The following TMEM200A variants were observed in gnomAD, a reference collection of about 807,000 sequenced individuals.
The protein encoded by TMEM200A is two transmembrane C.
Under a neutral mutation model 24.3 loss-of-function variants are expected in TMEM200A, and 12 were observed. That is an observed-to-expected ratio of 0.49 (90% CI 0.32 to 0.80). TMEM200A has a LOEUF of 0.80. Ranked by LOEUF, TMEM200A falls within the 30% of genes least tolerant of loss-of-function variation. The probability of loss-of-function intolerance (pLI) is 0.04; values close to 1 mark genes in which losing one functional copy is unlikely to be tolerated. For synonymous variants in TMEM200A, 224 were observed against 224.4 expected (o/e 1.00, Z 0.02); for missense variants, 545 against 614.4 (o/e 0.89, Z 1.19).
At chr6:130,380,853 G>A (rs1048887139) in intron 1 of TMEM200A, among the ~76,000 whole-genome samples, 8 of 151,974 alleles carry the variant, frequency 5.3e-5, no homozygotes, top group African/African-American at 1.9e-4. Flanking sequence ...TGAGTATGAT[G>A]GCTCATGCCT....
At chr6:130,418,636 T>G (rs149933130) in intron 2 of TMEM200A, among the ~76,000 whole-genome samples, 182 of 152,266 alleles carry the variant, frequency 1.2e-3, no homozygotes, top group Non-Finnish European at 2.1e-3. Context: ...TGGCTTAGAG[T>G]ACATTTAGTC....
chr6:130,405,269 T>C (rs1431158765), intron 2 of TMEM200A, among the ~76,000 whole-genome samples: 3 of 152,224 alleles, frequency 2.0e-5, no homozygotes, highest in Admixed American at 1.3e-4. Context: ...TTAATGATAT[T>C]GATTCTTTCT....
intron 1 of TMEM200A, among the ~76,000 whole-genome samples, chr6:130,379,924 G>C (rs1200376801): frequency 6.6e-6 from 1 of 152,140 alleles, no homozygotes; most frequent in African/African-American, 2.4e-5. Flanking sequence ...AGAGCATACC[G>C]AGAAGTAGCA....
chr6:130,418,919 A>G (rs546130126), intron 2 of TMEM200A, among the ~76,000 whole-genome samples: 1 of 152,304 alleles, frequency 6.6e-6, no homozygotes, highest in East Asian at 1.9e-4. Context: ...TATTGGGAAC[A>G]TATCGAGTCC....
At position 130,366,093 on chromosome 6, in the gene TMEM200A, G is replaced by T. The variant is rs866800130; in HGVS notation, c.-512G>T. On this transcript the variant is annotated 5_prime_UTR_variant, in exon 1 of 3. Coordinates refer to ENST00000296978, the MANE Select transcript of TMEM200A (RefSeq NM_001258277.2). This position sits in a 1 kb window ranked among gnomAD's most constrained non-coding sequence, Gnocchi z 4.4. ...CTTTCTTGGACGCGGTGGCGGCGCCGCCTGAGCGGCGACTCCCTCTCCCCT... is the reference window on the plus strand; with the variant it reads ...CTTTCTTGGACGCGGTGGCGGCGCCTCCTGAGCGGCGACTCCCTCTCCCCT... 10 of 985,616 alleles carry T rather than the reference G, an allele frequency of 1.0e-5. No individual in the cohort carries two copies. The Middle Eastern group carries it at 3.1e-3, about 309-fold the overall frequency. The allele number at this position is 985,616 out of a possible 1,614,324, so 61.1% of individuals were successfully genotyped here. A position where few individuals can be genotyped will look rare whatever the true frequency, so the allele number is the denominator to read the frequency against.
At chr6:130,426,702 C>T (rs1779753108) in intron 2 of TMEM200A, among the ~76,000 whole-genome samples, 1 of 152,116 alleles carries the variant, frequency 6.6e-6, no homozygotes, top group South Asian at 2.1e-4. Flanking sequence ...GAAAGAAAGC[C>T]ATGTCCCTTT....
At chr6:130,399,375 C>T (rs9321225) in intron 2 of TMEM200A, among the ~76,000 whole-genome samples, 50,748 of 151,766 alleles carry the variant, frequency 0.33, 11,962 homozygotes, top group African/African-American at 0.67. Context: ...ATCCTTTCTA[C>T]TGATTCCTTC....
In TMEM200A at chr6:130,366,337, C is replaced by G. The variant is rs985925770; in HGVS notation, c.-268C>G. On this transcript the variant is annotated 5_prime_UTR_variant, in exon 1 of 3. Coordinates refer to ENST00000296978, the MANE Select transcript of TMEM200A (RefSeq NM_001258277.2). The surrounding 1 kb of genome is among the most constrained non-coding windows in gnomAD (Gnocchi z 4.4). ...GACTCATCCGCCCGCGGTGGCCGCC[C>G]GAGCCCTGGGATGGGGAGGGAGACC... The G allele has an allele frequency of 2.0e-6, 2 of 985,196 alleles. No homozygotes were observed. Among genetic ancestry groups the G allele is most frequent in the South Asian group, 4.7e-5 (1 of 21,288 alleles). 61.0% of individuals were successfully genotyped at this position (985,196 alleles called of 1,614,324 possible).
Position 130,441,988 on chromosome 6 carries a change from T to C in TMEM200A, c.*90T>C. 7.9e-7 allele frequency: 1 copy of C among 1,271,696 alleles called. No individual in the cohort carries two copies. Among genetic ancestry groups the C allele is most frequent in the Non-Finnish European group, 1.1e-6 (1 of 929,666 alleles). 78.8% of individuals were successfully genotyped at this position (1,271,696 alleles called of 1,614,324 possible). A position where few individuals can be genotyped will look rare whatever the true frequency, so the allele number is the denominator to read the frequency against. ...TCTTAAAGTATTGGCTGTAAGCCTT[T>C]TTAATCAAATGGTTTGTAGTGTATT... On this transcript the variant is annotated 3_prime_UTR_variant, in exon 3 of 3. Transcript: ENST00000296978.
intron 2 of TMEM200A, among the ~76,000 whole-genome samples, chr6:130,406,368 A>C (rs550735357): frequency 1.1e-4 from 17 of 152,146 alleles, no homozygotes; most frequent in Middle Eastern, 3.4e-3. Context: ...TCCCCTAAAC[A>C]ATATCTTGGA....
At chr6:130,370,368 G>A (rs2115064371) in intron 1 of TMEM200A, among the ~76,000 whole-genome samples, 1 of 152,254 alleles carries the variant, frequency 6.6e-6, no homozygotes, top group African/African-American at 2.4e-5. Context: ...ACTAAATCAT[G>A]TGCCCAACCC....
chr6:130,365,780 A>C (rs1778120724), upstream of TMEM200A: 1 of 985,336 alleles, frequency 1.0e-6, no homozygotes, highest in African/African-American at 1.7e-5. Flanking sequence ...TCGAAGTGCA[A>C]CTTTGTGGCC....
At chr6:130,426,959 A>G (rs933634163) in intron 2 of TMEM200A, among the ~76,000 whole-genome samples, 2 of 152,198 alleles carry the variant, frequency 1.3e-5, no homozygotes, top group African/African-American at 2.4e-5. Flanking sequence ...CAAGATTATA[A>G]TGTGTCATAA....
intron 2 of TMEM200A, among the ~76,000 whole-genome samples, chr6:130,415,057 A>T (rs779272518): frequency 1.3e-5 from 2 of 152,086 alleles, no homozygotes; most frequent in Admixed American, 6.6e-5. Context: ...GAAATATTTT[A>T]TTGTTTTGTA....
rs763908591 is a variant in TMEM200A, at chr6:130,442,672, C to G, written c.*774C>G. 1 of 166,620 alleles carries G rather than the reference C, an allele frequency of 6.0e-6. No homozygotes were observed. The highest frequency in any genetic ancestry group is 1.5e-5 in the Non-Finnish European group (1 of 68,064). The allele number at this position is 166,620 out of a possible 1,614,324, so 10.3% of individuals were successfully genotyped here. On this transcript the variant is annotated 3_prime_UTR_variant, in exon 3 of 3. Transcript: ENST00000296978. ...CCAATAAAATTTGTAGAAATGCTAT[C>G]CTGAAATAATTATATACATGAAGAC...
chr6:130,377,770 G>A (rs1381382654), intron 1 of TMEM200A, among the ~76,000 whole-genome samples: 1 of 152,136 alleles, frequency 6.6e-6, no homozygotes. Flanking sequence ...CAAAGTTCCT[G>A]TCTTTATGAG....
At position 130,440,744 on chromosome 6, in the gene TMEM200A, G is replaced by A; in HGVS notation, c.322G>A (p.Glu108Lys). The change falls in exon 3 of 3, where the codon GAA (glutamate) becomes AAA (lysine). Residue 108 changes from glutamate to lysine, a missense_variant. Coordinates refer to ENST00000296978, the MANE Select transcript of TMEM200A (RefSeq NM_001258277.2). ...STNETQVIRN[E>K]GGVVVRFFEQ... ...AAATGAAACTCAGGTCATTCGGAAT[G>A]AAGGCGGTGTGGTGGTTCGCTTCTT... 6.2e-7 allele frequency: 1 copy of A among 1,614,020 alleles called. No homozygotes were observed. Among genetic ancestry groups the A allele is most frequent in the South Asian group, 1.1e-5 (1 of 91,088 alleles).
chr6:130,393,341 A>G (rs1411388265), intron 2 of TMEM200A, among the ~76,000 whole-genome samples: 1 of 152,246 alleles, frequency 6.6e-6, no homozygotes, highest in South Asian at 2.1e-4. Context: ...ATTAATTCTG[A>G]CAATAGAGTG....
At chr6:130,374,771 T>G (rs1778409750) in intron 1 of TMEM200A, among the ~76,000 whole-genome samples, 1 of 152,154 alleles carries the variant, frequency 6.6e-6, no homozygotes, top group East Asian at 1.9e-4. Context: ...ATAATGTTAG[T>G]CACTGATTGC....
Sources: gnomAD v4.1 joint callset for allele counts (sites outside exome capture counted in the v4.1 genomes callset) on GRCh38, gnomAD v4.1.1 for gene constraint, Gnocchi (gnomAD v3.1) non-coding constraint, MANE v1.5 for transcripts, NCBI Gene and HGNC (gene_info 2026-07-23, HGNC 2026-07-21) for gene names.